CNTNAP2: variants seen among roughly 807,000 people sequenced by gnomAD.
The protein encoded by CNTNAP2 is contactin associated protein 2.
CNTNAP2 carries 98 observed loss-of-function variants against 155.2 expected under a neutral mutation model. The observed-to-expected ratio is 0.63, with a 90% CI of 0.54 to 0.75. The LOEUF (loss-of-function observed/expected upper bound fraction) is 0.75, where lower values mean the gene tolerates loss of function less well. CNTNAP2 is among the 30% of genes least tolerant of loss of function. CNTNAP2 has a pLI of 0.00. For synonymous variants in CNTNAP2, 651 were observed against 631.2 expected, an observed-to-expected ratio of 1.03 and a Z score of -0.47; for missense variants, 1,727 against 1,688.1, an observed-to-expected ratio of 1.02 and a Z score of -0.40.
rs942811111 is a variant in CNTNAP2 at position 147,822,465 on chromosome 7, C to G, written c.2099-81100C>G. On this transcript the variant is annotated intron_variant, in intron 13 of 23. Transcript: ENST00000361727. ...GAGTCTATTTTATATAAAATCCCAC[C>G]CTGTTGGAAGTATTGCAAGTTTCCA... is the stretch of plus-strand genomic sequence containing the variant. Among the ~76,000 whole-genome samples the G allele has an allele frequency of 3.3e-5, 5 of 152,196 alleles. No homozygotes were observed. In the East Asian group the frequency reaches 7.7e-4, roughly 24 times the overall value.
rs182834955 is a variant in CNTNAP2 at position 148,417,670 on chromosome 7, G to C, written c.*2054G>C. On this transcript the variant is annotated 3_prime_UTR_variant, in exon 24 of 24. Transcript: ENST00000361727. ...ATTGTTGAAAGCAAATTTTAAACATGATGTTTTAGAAGTGTTTCTGATTTT... is the reference window on the plus strand; with the variant it reads ...ATTGTTGAAAGCAAATTTTAAACATCATGTTTTAGAAGTGTTTCTGATTTT... 6.6e-6 allele frequency: 1 copy of C among 152,298 alleles called. No homozygotes were observed. The highest frequency in any genetic ancestry group is 6.5e-5 in the Admixed American group (1 of 15,302). 9.4% of individuals were successfully genotyped at this position (152,298 alleles called of 1,614,324 possible). A position where few individuals can be genotyped will look rare whatever the true frequency, so the allele number is the denominator to read the frequency against.
At chr7:147,839,849 A>G (rs992841979) in intron 13 of CNTNAP2, among the ~76,000 whole-genome samples, 2 of 152,076 alleles carry the variant, frequency 1.3e-5, no homozygotes, top group African/African-American at 4.8e-5. Flanking sequence ...TAAGTGTCTA[A>G]TGGATGATTG....
intron 21 of CNTNAP2, among the ~76,000 whole-genome samples, chr7:148,342,748 C>T (rs966278371): frequency 3.3e-5 from 5 of 152,138 alleles, no homozygotes; most frequent in African/African-American, 4.8e-5. Flanking sequence ...ATACTGTGAT[C>T]GATATTGTGC....
chr7:146,246,211 A>T (rs34315245), intron 1 of CNTNAP2, among the ~76,000 whole-genome samples: 16 of 150,082 alleles, frequency 1.1e-4, no homozygotes, highest in Non-Finnish European at 2.2e-4. Context: ...AGGGAGTAGA[A>T]GTATCTTATA....
At chr7:147,394,964 TTAGA>T (rs935118314) in intron 9 of CNTNAP2, among the ~76,000 whole-genome samples, 2 of 151,736 alleles carry the variant, frequency 1.3e-5, no homozygotes, top group Non-Finnish European at 2.9e-5. Flanking sequence ...TTATACCATA[TTAGA>T]TAGTTTGTAG....
intron 18 of CNTNAP2, chr7:148,189,772 A>G (rs17170878): frequency 0.17 from 25,727 of 152,216 alleles, 2,404 homozygotes; most frequent in East Asian, 0.23. Flanking sequence ...CTGTTGCACT[A>G]GAAGGCTCAG....
rs1292325064 is a variant in CNTNAP2, at chr7:148,198,951, A to G, written c.3011-18337A>G. On this transcript the variant is annotated intron_variant, in intron 18 of 23. Transcript: ENST00000361727. ...ATAGGGAGGTCATTGGGGATGGAGT[A>G]GAATGAGCAAAGAAGAGAAGAAAAT... Among the ~76,000 whole-genome samples the G allele has an allele frequency of 2.0e-5, 3 of 152,312 alleles. No individual in the cohort carries two copies. In the East Asian group the frequency reaches 5.8e-4, roughly 29 times the overall value.
Position 148,415,820 on chromosome 7 carries a change from T to C in CNTNAP2, c.*204T>C, listed in dbSNP as rs1333712127. 2 of 629,968 alleles carry C rather than the reference T, an allele frequency of 3.2e-6. No homozygotes were observed. The highest frequency in any genetic ancestry group is 5.5e-6 in the Non-Finnish European group (2 of 366,762). The allele number at this position is 629,968 out of a possible 1,614,324, so 39.0% of individuals were successfully genotyped here. On this transcript the variant is annotated 3_prime_UTR_variant, in exon 24 of 24. Transcript: ENST00000361727. ...TTTTAATATTTCTTTATAGCTGAGT[T>C]TTCCCTTCTGTATCAAAACAAAATA...
intron 2 of CNTNAP2, among the ~76,000 whole-genome samples, chr7:146,826,178 C>T (rs1405948008): frequency 5.9e-5 from 9 of 152,034 alleles, no homozygotes; most frequent in Admixed American, 5.3e-4. Context: ...TATTTAGTTA[C>T]TAGTTAGAAG....
At chr7:147,631,418 T>C (rs181853821) in intron 12 of CNTNAP2, among the ~76,000 whole-genome samples, 4 of 152,198 alleles carry the variant, frequency 2.6e-5, no homozygotes, top group East Asian at 1.9e-4. Flanking sequence ...CCAAAATCAA[T>C]CTACAGATTG....
intron 4 of CNTNAP2, among the ~76,000 whole-genome samples, chr7:147,085,452 A>G (rs1004230189): frequency 2.0e-5 from 3 of 152,138 alleles, no homozygotes; most frequent in African/African-American, 7.2e-5. Flanking sequence ...GGGATCTAGG[A>G]TGAACACTCA....
intron 2 of CNTNAP2, among the ~76,000 whole-genome samples, chr7:146,776,734 C>T (rs928686144): frequency 6.6e-6 from 1 of 151,934 alleles, no homozygotes; most frequent in Non-Finnish European, 1.5e-5. Flanking sequence ...AGGTTTTTTG[C>T]TCTCATTTAA....
intron 15 of CNTNAP2, among the ~76,000 whole-genome samples, chr7:148,076,625 C>T (rs879793156): frequency 3.3e-5 from 5 of 151,358 alleles, no homozygotes; most frequent in Non-Finnish European, 5.9e-5. Context: ...TTAGTACAGA[C>T]GGGGTTTCAC....
chr7:147,459,280 CCTCT>C (rs1457010375), intron 10 of CNTNAP2, among the ~76,000 whole-genome samples: 3 of 152,166 alleles, frequency 2.0e-5, no homozygotes, highest in African/African-American at 4.8e-5. Flanking sequence ...TTTCTTTTAT[CCTCT>C]CTCCACATTC....
At chr7:148,373,373 T>G (rs992483058) in intron 21 of CNTNAP2, among the ~76,000 whole-genome samples, 2 of 152,120 alleles carry the variant, frequency 1.3e-5, no homozygotes, top group African/African-American at 4.8e-5. Context: ...CAAGAATCGC[T>G]TGAACCCAGT....
chr7:147,891,934 A>G (rs1373011438), intron 13 of CNTNAP2, among the ~76,000 whole-genome samples: 1 of 152,214 alleles, frequency 6.6e-6, no homozygotes, highest in Non-Finnish European at 1.5e-5. Flanking sequence ...AGCAAAGCAA[A>G]CCCAACCATA....
At chr7:147,162,043 A>T (rs1434485003) in intron 8 of CNTNAP2, 5 of 152,138 alleles carry the variant, frequency 3.3e-5, no homozygotes. Context: ...AACAACAAAA[A>T]CCATACCCAG....
intron 1 of CNTNAP2, among the ~76,000 whole-genome samples, chr7:146,169,901 C>G (rs1251444588): frequency 1.3e-5 from 2 of 151,792 alleles, no homozygotes; most frequent in Non-Finnish European, 2.9e-5. Context: ...ATCTTAGCTA[C>G]TGTGAATAAC....
intron 1 of CNTNAP2, among the ~76,000 whole-genome samples, chr7:146,331,310 A>G (rs925703887): frequency 6.7e-6 from 1 of 149,800 alleles, no homozygotes; most frequent in Non-Finnish European, 1.5e-5. Context: ...TCTCAAAAAA[A>G]AAAAAAATAA....
Sources: allele counts gnomAD v4.1 joint callset (sites outside exome capture counted in the v4.1 genomes callset), GRCh38; gene constraint gnomAD v4.1.1; transcripts MANE v1.5; gene names NCBI Gene and HGNC (gene_info 2026-07-23, HGNC 2026-07-21).